Variants in GRID2 observed in about 807,000 individuals in gnomAD.
The protein encoded by GRID2 is glutamate receptor ionotropic, delta-2.
GRID2 carries 33 observed loss-of-function variants against 114.8 expected under a neutral mutation model. The ratio of observed to expected loss-of-function variants is 0.29; its 90% CI spans 0.22 to 0.38. The LOEUF (loss-of-function observed/expected upper bound fraction) is 0.38, where lower values mean the gene tolerates loss of function less well. Among genes scored for constraint, GRID2 ranks in the 10% least tolerant of loss-of-function variants. GRID2 has a pLI of 1.00. For missense variants in GRID2, 1,184 were observed against 1,257.7 expected (o/e 0.94, Z 0.89); for synonymous variants, 505 against 449.9 (o/e 1.12, Z -1.55).
intron 2 of GRID2, among the ~76,000 whole-genome samples, chr4:92,991,753 C>G (rs1475838454): frequency 2.0e-5 from 3 of 152,064 alleles, no homozygotes; most frequent in Admixed American, 1.3e-4. Context: ...TAAAAAGTAT[C>G]AGGAGACTGA....
intron 4 of GRID2, among the ~76,000 whole-genome samples, chr4:93,131,756 A>G (rs946845335): frequency 1.1e-4 from 17 of 152,130 alleles, no homozygotes; most frequent in African/African-American, 4.1e-4. Context: ...AACATTAATC[A>G]TTTCTTCATG....
intron 13 of GRID2, among the ~76,000 whole-genome samples, chr4:93,583,111 A>G (rs1455112942): frequency 1.3e-5 from 2 of 152,126 alleles, no homozygotes; most frequent in African/African-American, 4.8e-5. Flanking sequence ...CTACGTCTCC[A>G]TGTGTCCTTT....
At chr4:93,207,221 A>T (rs1015873048) in intron 4 of GRID2, among the ~76,000 whole-genome samples, 183 bp from the exon 5 acceptor site, 1 of 152,062 alleles carries the variant, frequency 6.6e-6, no homozygotes, top group Non-Finnish European at 1.5e-5. Context: ...CAGTGCATCT[A>T]TATGTATGTC....
chr4:92,850,672 A>G lies in GRID2; in HGVS notation c.245-234323A>G, dbSNP rs535333850. 5.9e-5 allele frequency among the ~76,000 whole-genome samples: 9 copies of G among 152,074 alleles called. No homozygotes were observed. In the East Asian group the frequency reaches 1.7e-3, roughly 29 times the overall value. Reference sequence around the variant, plus strand: ...TCAAGAAAGGTGAATCTGAATTCCCAAATGATAGAAACAGTTCAGTTATTT... The same window carrying G: ...TCAAGAAAGGTGAATCTGAATTCCCGAATGATAGAAACAGTTCAGTTATTT... On this transcript the variant is annotated intron_variant, in intron 2 of 15. Coordinates refer to ENST00000282020, the MANE Select transcript of GRID2 (RefSeq NM_001510.4).
At chr4:93,444,144 G>T (rs575875277) in intron 10 of GRID2, among the ~76,000 whole-genome samples, 1 of 152,042 alleles carries the variant, frequency 6.6e-6, no homozygotes, top group East Asian at 1.9e-4. Context: ...AAACTCAGGT[G>T]AAAATACATT....
intron 2 of GRID2, among the ~76,000 whole-genome samples, chr4:92,807,416 T>C (rs1740471714): frequency 6.6e-6 from 1 of 151,974 alleles, no homozygotes; most frequent in African/African-American, 2.4e-5. Context: ...GTGCATATTT[T>C]AAATGTGATG....
intron 4 of GRID2, among the ~76,000 whole-genome samples, chr4:93,155,479 A>T (rs72889607): frequency 0.06 from 9,137 of 151,984 alleles, 773 homozygotes; most frequent in African/African-American, 0.19. Flanking sequence ...AAACATCTCT[A>T]TTACTGCACT....
chr4:93,102,387 A>G (rs1441142068), intron 3 of GRID2, among the ~76,000 whole-genome samples: 3 of 152,210 alleles, frequency 2.0e-5, no homozygotes, highest in African/African-American at 7.2e-5. Context: ...GGAAATGACT[A>G]AATCCAGTAT....
intron 13 of GRID2, among the ~76,000 whole-genome samples, chr4:93,535,824 A>G (rs1732007597): frequency 6.6e-6 from 1 of 151,950 alleles, no homozygotes; most frequent in Non-Finnish European, 1.5e-5. Flanking sequence ...TGGTTTGCAA[A>G]TATTTTCTAC....
At chr4:92,631,676 A>G (rs1730815423) in intron 2 of GRID2, among the ~76,000 whole-genome samples, 1 of 152,154 alleles carries the variant, frequency 6.6e-6, no homozygotes, top group African/African-American at 2.4e-5. Context: ...TGAACAAAAC[A>G]TGTTTTTAAC....
intron 2 of GRID2, among the ~76,000 whole-genome samples, chr4:92,674,609 G>A (rs539836168): frequency 7.2e-5 from 11 of 152,032 alleles, no homozygotes; most frequent in South Asian, 6.3e-4. Context: ...TGCAACCTCC[G>A]CCTCCCAGGT....
chr4:92,939,885 G>A (rs1159432773), intron 2 of GRID2, among the ~76,000 whole-genome samples: 2 of 146,894 alleles, frequency 1.4e-5, no homozygotes, highest in Non-Finnish European at 3.0e-5. Flanking sequence ...TAGATATGCA[G>A]CATTATTTCT....
chr4:92,901,845 C>T (rs915723391), intron 2 of GRID2, among the ~76,000 whole-genome samples: 1 of 150,634 alleles, frequency 6.6e-6, no homozygotes, highest in African/African-American at 2.4e-5. Flanking sequence ...GTGTGTGTGT[C>T]CTTGTCTTGC....
intron 2 of GRID2, among the ~76,000 whole-genome samples, chr4:92,926,465 A>T (rs1159257743): frequency 1.3e-5 from 2 of 152,002 alleles, no homozygotes; most frequent in Non-Finnish European, 2.9e-5. Context: ...TTGCTATAAT[A>T]AATTTCACAT....
intron 7 of GRID2, among the ~76,000 whole-genome samples, chr4:93,229,287 A>G (rs1745848315): frequency 6.6e-6 from 1 of 152,196 alleles, no homozygotes; most frequent in African/African-American, 2.4e-5. Context: ...GAGACTCCCA[A>G]GAAGAGCAGA....
chr4:93,305,752 TTAAA>T (rs961883950), intron 8 of GRID2, among the ~76,000 whole-genome samples: 1 of 152,180 alleles, frequency 6.6e-6, no homozygotes, highest in Admixed American at 6.5e-5. Flanking sequence ...TAATTTCTTA[TTAAA>T]TAGTTTGGAT....
intron 14 of GRID2, among the ~76,000 whole-genome samples, chr4:93,727,863 G>C (rs1730084990): frequency 6.6e-6 from 1 of 152,044 alleles, no homozygotes; most frequent in Non-Finnish European, 1.5e-5. Flanking sequence ...GCATCTATTT[G>C]ATTCTTCTCT....
chr4:92,858,326 A>G (rs1298037037), intron 2 of GRID2, among the ~76,000 whole-genome samples: 1 of 152,218 alleles, frequency 6.6e-6, no homozygotes, highest in Non-Finnish European at 1.5e-5. Context: ...ACCATTCTGG[A>G]TGCCATTCAG....
intron 2 of GRID2, among the ~76,000 whole-genome samples, chr4:92,717,813 A>G (rs1560550753): frequency 6.6e-6 from 1 of 152,214 alleles, no homozygotes; most frequent in African/African-American, 2.4e-5. Flanking sequence ...ATTCATTCAC[A>G]TACTTCCAGA....
Sources: gnomAD v4.1 joint callset for allele counts (sites outside exome capture counted in the v4.1 genomes callset) on GRCh38, gnomAD v4.1.1 for gene constraint, MANE v1.5 for transcripts, NCBI Gene and HGNC (gene_info 2026-07-23, HGNC 2026-07-21) for gene names.